Variants in PTPRD observed in about 807,000 individuals in gnomAD.
PTPRD encodes receptor-type tyrosine-protein phosphatase delta.
Under a neutral mutation model 214.5 loss-of-function variants are expected in PTPRD, and 34 were observed. The observed-to-expected ratio is 0.16, with a 90% confidence interval of 0.12 to 0.21. The LOEUF is 0.21. Ranked by LOEUF, PTPRD falls within the 10% of genes least tolerant of loss-of-function variation. The pLI is 1.00. For missense variants in PTPRD, 2,545 were observed against 2,398.7 expected, an observed-to-expected ratio of 1.06 and a Z score of -1.27; for synonymous variants, 1,128 against 845.7, an observed-to-expected ratio of 1.33 and a Z score of -5.79.
intron 10 of PTPRD, among the ~76,000 whole-genome samples, chr9:9,028,219 C>T (rs1224597632): frequency 6.6e-6 from 1 of 151,906 alleles, no homozygotes; most frequent in African/African-American, 2.4e-5. Context: ...GAGAATTCTT[C>T]CATACTGATA....
chr9:8,363,140 C>T (rs1217725869), intron 39 of PTPRD, among the ~76,000 whole-genome samples: 1 of 152,158 alleles, frequency 6.6e-6, no homozygotes, highest in Admixed American at 6.5e-5. Flanking sequence ...TCCAACAACC[C>T]TAGCTCTTGA....
At chr9:10,298,247 A>G (rs2095746948) in intron 3 of PTPRD, among the ~76,000 whole-genome samples, 1 of 152,094 alleles carries the variant, frequency 6.6e-6, no homozygotes, top group Non-Finnish European at 1.5e-5. Flanking sequence ...TGTTCCCTAA[A>G]ATAGAAATCA....
chr9:10,308,873 C>T (rs528236152), intron 3 of PTPRD, among the ~76,000 whole-genome samples: 20 of 152,036 alleles, frequency 1.3e-4, no homozygotes, highest in Admixed American at 8.5e-4. Flanking sequence ...TGTCACTGGG[C>T]GGTTAGACTG....
In PTPRD at chr9:10,195,108, T is replaced by TA. The variant is rs1234912931; in HGVS notation, c.-545+145854_-545+145855insT. On this transcript the variant is annotated intron_variant, in intron 3 of 45. Coordinates refer to ENST00000381196, the MANE Select transcript of PTPRD (RefSeq NM_002839.4). ...TGACCATACCCGGCTATTTTTTTTT[T>TA]TTTTTTTTTTTTTGTATTTTTAGTA... Among the ~76,000 whole-genome samples the TA allele has an allele frequency of 6.8e-5, 10 of 147,662 alleles. No individual in the cohort carries two copies. In the Admixed American group the frequency reaches 6.8e-4, roughly 10 times the overall value.
Position 10,267,454 on chromosome 9 carries a change from T to C in PTPRD, c.-545+73509A>G, listed in dbSNP as rs181014328. 2.5e-3 allele frequency among the ~76,000 whole-genome samples: 373 copies of C among 152,190 alleles called. 2 individuals are homozygous for C. The highest frequency in any genetic ancestry group is 4.4e-3 in the Non-Finnish European group (300 of 67,996). On this transcript the variant is annotated intron_variant, in intron 3 of 45. Transcript: ENST00000381196. ...CGTGGTTTATGAATAAAAAGATGAA[T>C]TCATAATTTTTTTAATGGTTAAGTT...
intron 39 of PTPRD, among the ~76,000 whole-genome samples, chr9:8,357,411 A>C (rs1243391373): frequency 6.6e-6 from 1 of 152,196 alleles, no homozygotes; most frequent in East Asian, 1.9e-4. Context: ...CATGGAGTCT[A>C]GGCCTATTTG....
At chr9:10,513,954 G>A (rs747568537) in intron 2 of PTPRD, among the ~76,000 whole-genome samples, 26 of 152,132 alleles carry the variant, frequency 1.7e-4, no homozygotes, top group Middle Eastern at 3.2e-3. Flanking sequence ...TTACTTCAAA[G>A]AAGGCACACA....
At chr9:9,961,555 G>A (rs191226259) in intron 4 of PTPRD, among the ~76,000 whole-genome samples, 137 of 152,194 alleles carry the variant, frequency 9.0e-4, no homozygotes, top group South Asian at 5.0e-3. Flanking sequence ...CAATTGGTGT[G>A]CTTCATTTTG....
chr9:9,442,030 T>A (rs928777345), intron 8 of PTPRD: 1 of 152,266 alleles, frequency 6.6e-6, no homozygotes, highest in Non-Finnish European at 1.5e-5. Flanking sequence ...AAAATCTGTA[T>A]GTTCTCTCAG....
chr9:9,919,172 T>G (rs1259269158), intron 5 of PTPRD, among the ~76,000 whole-genome samples: 1 of 152,126 alleles, frequency 6.6e-6, no homozygotes, highest in East Asian at 1.9e-4. Context: ...GTGTTTTTGC[T>G]CCTAATTTTT....
chr9:8,806,790 T>C (rs1199693812), intron 11 of PTPRD, among the ~76,000 whole-genome samples: 1 of 152,098 alleles, frequency 6.6e-6, no homozygotes, highest in Non-Finnish European at 1.5e-5. Flanking sequence ...AAATATATTT[T>C]AAAAACCACT....
In PTPRD at chr9:10,376,810, G is replaced by T. The variant is rs1463153960; in HGVS notation, c.-599-35793C>A. Among the ~76,000 whole-genome samples, 3 of 151,870 alleles carry T rather than the reference G, an allele frequency of 2.0e-5. No homozygotes were observed. In the East Asian group the frequency reaches 5.8e-4, roughly 30 times the overall value. On this transcript the variant is annotated intron_variant, in intron 2 of 45. Transcript: ENST00000381196. ...GGAAGTGTATACTTATGAGGTACAT[G>T]AGATGTTTTGATACAGATATGCAAT...
At chr9:9,682,237 G>T (rs906736503) in intron 7 of PTPRD, among the ~76,000 whole-genome samples, 3 of 151,726 alleles carry the variant, frequency 2.0e-5, no homozygotes, top group African/African-American at 7.3e-5. Flanking sequence ...ACAGGGACAG[G>T]AATAGGTGAT....
chr9:9,530,332 AAAG>A (rs2075168835), intron 8 of PTPRD, among the ~76,000 whole-genome samples: 1 of 152,196 alleles, frequency 6.6e-6, no homozygotes, highest in Non-Finnish European at 1.5e-5. Context: ...CAGAAATACA[AAAG>A]AATATCAAAG....
chr9:9,793,802 A>G (rs2098983467), intron 5 of PTPRD, among the ~76,000 whole-genome samples: 1 of 152,124 alleles, frequency 6.6e-6, no homozygotes, highest in Non-Finnish European at 1.5e-5. Flanking sequence ...ATTCCAGTTA[A>G]CTTTAATAAA....
At position 8,641,103 on chromosome 9, in the gene PTPRD, G is replaced by A. The variant is rs551606685; in HGVS notation, c.65-4259C>T. On this transcript the variant is annotated intron_variant, in intron 12 of 45. Coordinates refer to ENST00000381196, the MANE Select transcript of PTPRD (RefSeq NM_002839.4). ...CTCAGTTTAATAAAAGGAACATGAT[G>A]AATCGTCTGCCTTATTTTGTCATAG... is the stretch of plus-strand genomic sequence containing the variant. Among the ~76,000 whole-genome samples the A allele has an allele frequency of 1.3e-4, 19 of 148,528 alleles. 4 individuals are homozygous for A. Among genetic ancestry groups the A allele is most frequent in the African/African-American group, 5.0e-4 (19 of 37,986 alleles).
At chr9:8,692,113 A>G (rs554255408) in intron 12 of PTPRD, among the ~76,000 whole-genome samples, 130 of 152,292 alleles carry the variant, frequency 8.5e-4, no homozygotes, top group African/African-American at 3.0e-3. Flanking sequence ...ACAGCTTTGC[A>G]TTAATTTATA....
At chr9:8,385,664 T>C (rs1017231622) in intron 37 of PTPRD, among the ~76,000 whole-genome samples, 1 of 152,128 alleles carries the variant, frequency 6.6e-6, no homozygotes, top group Non-Finnish European at 1.5e-5. Context: ...AGGAAACGTA[T>C]CTTCAGTGGC....
chr9:8,948,708 G>A (rs904305840), intron 11 of PTPRD, among the ~76,000 whole-genome samples: 1 of 147,368 alleles, frequency 6.8e-6, no homozygotes, highest in Non-Finnish European at 1.5e-5. Context: ...TTTAATAATA[G>A]GACACGTAAT....
Sources: gnomAD v4.1 joint callset for allele counts (sites outside exome capture counted in the v4.1 genomes callset) on GRCh38, gnomAD v4.1.1 for gene constraint, MANE v1.5 for transcripts, NCBI Gene and HGNC (gene_info 2026-07-23, HGNC 2026-07-21) for gene names.